The following ZNF358 variants were observed in gnomAD, a reference collection of about 807,000 sequenced individuals.
ZNF358 encodes the protein zinc finger protein 358.
ZNF358 carries 1 observed loss-of-function variant against 2.1 expected under a neutral mutation model. The observed-to-expected ratio is 0.49, with a 90% confidence interval of 0.17 to 2.30. ZNF358 has a LOEUF of 2.30. Ranked by LOEUF, ZNF358 falls within the 30% of genes most tolerant of loss-of-function variation. The pLI is 0.26. For synonymous variants in ZNF358, 381 were observed against 359.7 expected (o/e 1.06, Z -0.67); for missense variants, 665 against 806.8 (o/e 0.82, Z 2.13).
Position 7,520,009 on chromosome 19 carries a change from C to T in ZNF358, c.767C>T (p.Thr256Met), listed in dbSNP as rs1219408307. 2.0e-6 allele frequency: 3 copies of T among 1,525,812 alleles called. No individual in the cohort carries two copies. Among genetic ancestry groups the T allele is most frequent in the East Asian group, 2.5e-5 (1 of 40,478 alleles). 94.5% of individuals were successfully genotyped at this position (1,525,812 alleles called of 1,614,324 possible). The part of the protein sequence containing the change: ...HGSLLAQHLR[T>M]HGGPRPHKCP... ...TCGCTCCTGGCACAGCACCTGCGCACGCACGGCGGCCCGCGGCCCCACAAG... is the reference window on the plus strand; with the variant it reads ...TCGCTCCTGGCACAGCACCTGCGCATGCACGGCGGCCCGCGGCCCCACAAG... Residue 256 changes from threonine (T) to methionine (M), a missense_variant, in exon 2 of 2, where the codon ACG becomes ATG. Physicochemically the swap from Thr to Met is moderately conservative, Grantham distance 81 (BLOSUM62 -1). Around this residue, in one of 3 missense-constraint regions of ZNF358, gnomAD observed 210 missense variants for 350.8 expected, o/e 0.60. Coordinates refer to ENST00000597229, the MANE Select transcript of ZNF358 (RefSeq NM_018083.5). The surrounding 1 kb of genome is among the most constrained non-coding windows in gnomAD (Gnocchi z 6.0).
rs1215911272 is a variant in ZNF358, at chr19:7,519,401, C to T, written c.159C>T (p.Val53=). 2 of 1,614,006 alleles carry T rather than the reference C, an allele frequency of 1.2e-6. No individual in the cohort carries two copies. Among genetic ancestry groups the T allele is most frequent in the African/African-American group, 2.7e-5 (2 of 74,918 alleles). The change falls in exon 2 of 2, where the codon GTC becomes GTT. Residue 53 remains valine (V), a synonymous_variant. Coordinates refer to ENST00000597229, the MANE Select transcript of ZNF358 (RefSeq NM_018083.5). ...PEPDPEDLNT[V]PEDVDPSYED... ...CTGATCCTGAAGACCTCAACACTGT[C>T]CCGGAAGACGTGGACCCCAGCTATG...
chr19:7,520,797 G>C lies in ZNF358; in HGVS notation c.1555G>C (p.Asp519His). 6.2e-7 allele frequency: 1 copy of C among 1,611,726 alleles called. No homozygotes were observed. Among genetic ancestry groups the C allele is most frequent in the Non-Finnish European group, 8.5e-7 (1 of 1,179,988 alleles). ...AGACCTTGATCCTGTGCCCAGCCCAGACCCTGATCCTGTGCCCAGCCCTGA... is the reference window on the plus strand; with the variant it reads ...AGACCTTGATCCTGTGCCCAGCCCACACCCTGATCCTGTGCCCAGCCCTGA... ...SPDLDPVPSP[D>H]PDPVPSPDPN... is the part of the protein sequence containing the mutation. The change falls in exon 2 of 2, where the codon GAC becomes CAC. Residue 519 changes from aspartate (D) to histidine (H), a missense_variant. This residue lies in a region of ZNF358 where 249 missense variants were observed against 227.6 expected (regional missense o/e 1.09). Transcript: ENST00000597229. The surrounding 1 kb of genome is among the most constrained non-coding windows in gnomAD (Gnocchi z 6.0).
chr19:7,515,455 G>T (rs1380084589), upstream of ZNF358: 1 of 152,206 alleles, frequency 6.6e-6, no homozygotes, highest in African/African-American at 2.4e-5. Flanking sequence ...TCTGTGCCTT[G>T]GCGGGTGTTA....
At chr19:7,518,931 GGT>G (rs1491335910) in intron 1 of ZNF358, among the ~76,000 whole-genome samples, 2 of 151,984 alleles carry the variant, frequency 1.3e-5, no homozygotes, top group Non-Finnish European at 2.9e-5. Context: ...CAGGCATGGT[GGT>G]GGACACCTGT....
At position 7,519,882 on chromosome 19, in the gene ZNF358, A is replaced by C. The variant is rs2022432545; in HGVS notation, c.640A>C (p.Lys214Gln). 3 of 1,530,566 alleles carry C rather than the reference A, an allele frequency of 2.0e-6. No individual in the cohort carries two copies. The highest frequency in any genetic ancestry group is 2.6e-6 in the Non-Finnish European group (3 of 1,144,738). 94.8% of individuals were successfully genotyped at this position (1,530,566 alleles called of 1,614,324 possible). Residue 214 changes from lysine to glutamine, a missense_variant, in exon 2 of 2, where the codon AAG (lysine) becomes CAG (glutamine). Physicochemically the swap from Lys to Gln is moderately conservative, Grantham distance 53. Around this residue, in one of 3 missense-constraint regions of ZNF358, gnomAD observed 210 missense variants for 350.8 expected, o/e 0.60. Transcript: ENST00000597229. ...ARPYQCAACG[K>Q]AFGWRSTLLK... ...GCCGTACCAGTGCGCGGCCTGCGGC[A>C]AGGCCTTCGGCTGGCGCTCCACGCT...
chr19:7,518,598 A>AGAAAGAAAGAAAGAAAGAAAGAAAGAAT (rs111382515), intron 1 of ZNF358, among the ~76,000 whole-genome samples: 4 of 142,358 alleles, frequency 2.8e-5, no homozygotes, highest in South Asian at 2.2e-4. Flanking sequence ...AAAGAAAGAA[A>AGAAAGAAAGAAAGAAAGAAAGAAAGAAT]GAATTGAAGT....
At chr19:7,514,385 G>A (rs995360512), upstream of ZNF358, among the ~76,000 whole-genome samples, 1 of 152,200 alleles carries the variant, frequency 6.6e-6, no homozygotes, top group African/African-American at 2.4e-5. Flanking sequence ...ACATGTATTT[G>A]TAATGGGATC....
At position 7,520,426 on chromosome 19, in the gene ZNF358, G is replaced by A; in HGVS notation, c.1184G>A (p.Arg395Gln). 6.2e-7 allele frequency: 1 copy of A among 1,605,338 alleles called. No individual in the cohort carries two copies. Among genetic ancestry groups the A allele is most frequent in the Non-Finnish European group, 8.5e-7 (1 of 1,177,418 alleles). ...GCCTCCAGCCTCACCAAGCACAAAC[G>A]GGTGCATGAGGGTGCAGCCGCTGCT... is the stretch of plus-strand genomic sequence containing the variant. ...GQASSLTKHK[R>Q]VHEGAAAAAA... Residue 395 changes from arginine to glutamine, a missense_variant, in exon 2 of 2, where the codon CGG becomes CAG. Transcript: ENST00000597229. The surrounding 1 kb of genome is among the most constrained non-coding windows in gnomAD (Gnocchi z 6.0).
chr19:7,514,896 G>T (rs1718342171), upstream of ZNF358, among the ~76,000 whole-genome samples: 1 of 152,188 alleles, frequency 6.6e-6, no homozygotes, highest in South Asian at 2.1e-4. Flanking sequence ...CTCCCAAAGT[G>T]CTGGGATTAC....
At chr19:7,518,772 TAAA>T (rs1445445096) in intron 1 of ZNF358, among the ~76,000 whole-genome samples, 7 of 147,280 alleles carry the variant, frequency 4.8e-5, no homozygotes, top group Admixed American at 4.7e-4. Context: ...AAAATAAAAA[TAAA>T]GAAGTGGGGC....
At position 7,520,527 on chromosome 19, in the gene ZNF358, A is replaced by C. The variant is rs766689955; in HGVS notation, c.1285A>C (p.Met429Leu). The C allele has an allele frequency of 7.9e-7, 1 of 1,264,594 alleles. No individual in the cohort carries two copies. The highest frequency in any genetic ancestry group is 2.5e-5 in the East Asian group (1 of 39,536). 78.3% of individuals were successfully genotyped at this position (1,264,594 alleles called of 1,614,324 possible). The part of the protein sequence containing the change: ...GLGPGLSPAS[M>L]MRPGQVSLLG... ...CGGGCCTGGCCTAAGCCCTGCATCC[A>C]TGATGAGGCCGGGGCAGGTCTCCCT... is the stretch of plus-strand genomic sequence containing the variant. Residue 429 changes from methionine to leucine, a missense_variant, in exon 2 of 2, where the codon ATG becomes CTG. By Grantham distance (15) the Met-to-Leu change is conservative. This residue lies in a region of ZNF358 where 249 missense variants were observed against 227.6 expected (regional missense o/e 1.09). Coordinates refer to ENST00000597229, the MANE Select transcript of ZNF358 (RefSeq NM_018083.5). This position sits in a 1 kb window ranked among gnomAD's most constrained non-coding sequence, Gnocchi z 6.0.
upstream of ZNF358, among the ~76,000 whole-genome samples, chr19:7,514,480 G>A (rs905206777): frequency 7.9e-5 from 12 of 152,266 alleles, no homozygotes; most frequent in East Asian, 3.9e-4. Context: ...TGGGCTCTGC[G>A]GAAAGATGGA....
chr19:7,518,588 A>AAAGAAAGAAAGAAAGAAAGAAAGG (rs2022392054), intron 1 of ZNF358, among the ~76,000 whole-genome samples: 1 of 150,050 alleles, frequency 6.7e-6, no homozygotes, highest in African/African-American at 2.5e-5. Context: ...AGAAAGAAAG[A>AAAGAAAGAAAGAAAGAAAGAAAGG]AAGAAAGAAA....
rs200030177 is a variant in ZNF358, at chr19:7,520,917, G to A, written c.1675G>A (p.Glu559Lys). 71 of 1,614,076 alleles carry A rather than the reference G, an allele frequency of 4.4e-5. No individual in the cohort carries two copies. Among genetic ancestry groups the A allele is most frequent in the Non-Finnish European group, 5.8e-5 (68 of 1,180,008 alleles). The change falls in exon 2 of 2, where the codon GAG becomes AAG. Residue 559 changes from glutamate (E) to lysine (K), a missense_variant. This residue lies in a region of ZNF358 where 249 missense variants were observed against 227.6 expected (regional missense o/e 1.09). Coordinates refer to ENST00000597229, the MANE Select transcript of ZNF358 (RefSeq NM_018083.5). The surrounding 1 kb of genome is among the most constrained non-coding windows in gnomAD (Gnocchi z 6.0). ...CGGCGAGAGTCCAGAGTGGGTACAGGAGCAAGGGGCACTGCTGGGGCCTGA... is the reference window on the plus strand; with the variant it reads ...CGGCGAGAGTCCAGAGTGGGTACAGAAGCAAGGGGCACTGCTGGGGCCTGA... ...PTGESPEWVQ[E>K]QGALLGPDG
In ZNF358 at chr19:7,519,601, T is replaced by G; in HGVS notation, c.359T>G (p.Val120Gly). ...SDTLSPGDPKVDPISSGLTAT... is the reference protein window; with the variant it reads ...SDTLSPGDPKGDPISSGLTAT... ...ACCCTCAGCCCCGGCGATCCAAAAG[T>G]GGACCCCATCTCCTCTGGCCTCACT... is the stretch of plus-strand genomic sequence containing the variant. The change falls in exon 2 of 2, where the codon GTG becomes GGG. Residue 120 changes from valine to glycine, a missense_variant. By Grantham distance (109) the Val-to-Gly change is moderately radical. Transcript: ENST00000597229. 1.3e-6 allele frequency: 2 copies of G among 1,599,298 alleles called. No individual in the cohort carries two copies. Among genetic ancestry groups the G allele is most frequent in the Non-Finnish European group, 1.7e-6 (2 of 1,179,732 alleles).
rs1377225838 is a variant in ZNF358 at position 7,520,646 on chromosome 19, G to A, written c.1404G>A (p.Pro468=). The A allele has an allele frequency of 1.9e-6, 3 of 1,576,080 alleles. No homozygotes were observed. Among genetic ancestry groups the A allele is most frequent in the Non-Finnish European group, 2.6e-6 (3 of 1,156,300 alleles). ...SGRNPDPGSG[P]GTLPDPSSKP... is the part of the protein sequence containing the mutation. ...GCAACCCTGACCCTGGCTCTGGGCC[G>A]GGCACTCTGCCGGATCCCAGCTCCA... is the stretch of plus-strand genomic sequence containing the variant. Residue 468 remains proline (P), a synonymous_variant, in exon 2 of 2, where the codon CCG becomes CCA. Coordinates refer to ENST00000597229, the MANE Select transcript of ZNF358 (RefSeq NM_018083.5). This position sits in a 1 kb window ranked among gnomAD's most constrained non-coding sequence, Gnocchi z 6.0.
At chr19:7,515,139 T>A (rs1460636839), upstream of ZNF358, among the ~76,000 whole-genome samples, 4 of 152,186 alleles carry the variant, frequency 2.6e-5, no homozygotes, top group African/African-American at 4.8e-5. Flanking sequence ...AGGGCCCATG[T>A]CTCTATCTTG....
Position 7,520,781 on chromosome 19 carries a change from T to C in ZNF358, c.1539T>C (p.Asp513=). ...GPDLVPSPDL[D]PVPSPDPDPV... The stretch of plus-strand genomic sequence containing the variant: ...ACCTTGTGCCCAGCCCAGACCTTGA[T>C]CCTGTGCCCAGCCCAGACCCTGATC... The change falls in exon 2 of 2, where the codon GAT becomes GAC. Residue 513 remains aspartate, a synonymous_variant. Transcript: ENST00000597229. This position sits in a 1 kb window ranked among gnomAD's most constrained non-coding sequence, Gnocchi z 6.0. The C allele has an allele frequency of 1.2e-6, 2 of 1,611,408 alleles. No homozygotes were observed. Among genetic ancestry groups the C allele is most frequent in the South Asian group, 2.2e-5 (2 of 91,054 alleles).
upstream of ZNF358, among the ~76,000 whole-genome samples, chr19:7,515,767 GAA>G (rs2022327770): frequency 1.3e-5 from 2 of 152,240 alleles, no homozygotes; most frequent in Admixed American, 1.3e-4. Context: ...GAGACACAGA[GAA>G]AGGAACAGAG....
Sources: allele counts gnomAD v4.1 joint callset (sites outside exome capture counted in the v4.1 genomes callset), GRCh38; gene constraint gnomAD v4.1.1; regional missense constraint gnomAD v4.1.1; non-coding constraint Gnocchi (gnomAD v3.1); transcripts MANE v1.5; gene names NCBI Gene and HGNC (gene_info 2026-07-23, HGNC 2026-07-21).